ZNF541: variants seen among roughly 807,000 people sequenced by gnomAD.
The protein encoded by ZNF541 is zinc finger protein 541.
Under a neutral mutation model 123.5 loss-of-function variants are expected in ZNF541, and 23 were observed. That is an observed-to-expected ratio of 0.19 (90% confidence interval 0.13 to 0.26). The LOEUF is 0.26. ZNF541 is among the 10% of genes least tolerant of loss of function. The pLI, the probability that ZNF541 is intolerant of heterozygous loss-of-function variation, is 1.00. For missense variants in ZNF541, 1,612 were observed against 1,789.9 expected, an observed-to-expected ratio of 0.90 and a Z score of 1.79; for synonymous variants, 751 against 754.5, an observed-to-expected ratio of 1.00 and a Z score of 0.08.
At chr19:47,544,073 T>C (rs938406883) in intron 5 of ZNF541, 53 bp downstream of exon 5, 1 of 1,468,230 alleles carries the variant, frequency 6.8e-7, no homozygotes, top group Non-Finnish European at 9.0e-7. Flanking sequence ...AACTAACAAA[T>C]GCAAAGGAAA....
chr19:47,547,944 G>T (rs1263927104), intron 4 of ZNF541, among the ~76,000 whole-genome samples: 1 of 151,008 alleles, frequency 6.6e-6, no homozygotes, highest in Non-Finnish European at 1.5e-5. Context: ...AGATGAGGAG[G>T]CAGGAAAATC....
intron 3 of ZNF541, among the ~76,000 whole-genome samples, chr19:47,553,102 C>T (rs1003062415): frequency 1.3e-4 from 19 of 151,368 alleles, no homozygotes; most frequent in Admixed American, 2.0e-4. Flanking sequence ...AGAAAGACTC[C>T]GTCTCAAAAA....
intron 4 of ZNF541, among the ~76,000 whole-genome samples, chr19:47,548,166 C>A (rs1408242645): frequency 2.7e-5 from 4 of 150,402 alleles, no homozygotes; most frequent in African/African-American, 9.8e-5. Flanking sequence ...AAGCTGGGGC[C>A]GGGTGCGGTG....
At chr19:47,541,018 G>C in intron 5 of ZNF541, 67 bp from the exon 6 acceptor site, 1 of 1,445,266 alleles carries the variant, frequency 6.9e-7, no homozygotes, top group Non-Finnish European at 9.4e-7. Context: ...TCAAATTACA[G>C]ACTTTTAGAA....
At position 47,544,330 on chromosome 19, in the gene ZNF541, C is replaced by G. The variant is rs538877900; in HGVS notation, c.2199G>C (p.Lys733Asn). Residue 733 changes from lysine to asparagine, a missense_variant, in exon 5 of 17, where the codon AAG (lysine) becomes AAC (asparagine). Physicochemically the swap from Lys to Asn is moderately conservative, Grantham distance 94. Coordinates refer to ENST00000391901, the MANE Select transcript of ZNF541 (RefSeq NM_001277075.3). ...CTCCACCCCGGGAGCAGGCTGGGCC[C>G]TTTTCACCTTTTGTGATCCTTGAAG... ...GAASRITKGEKGPACSRGGGY... is the reference protein window; with the variant it reads ...GAASRITKGENGPACSRGGGY... 487 of 1,551,640 alleles carry G rather than the reference C, an allele frequency of 3.1e-4. 2 individuals are homozygous for G. In the South Asian group the frequency reaches 5.5e-3, roughly 17 times the overall value.
chr19:47,544,787 G>A lies in ZNF541; in HGVS notation c.1742C>T (p.Pro581Leu). Residue 581 changes from proline (P) to leucine (L), a missense_variant, in exon 5 of 17, where the codon CCT (proline) becomes CTT (leucine). Around this residue, in one of 5 missense-constraint regions of ZNF541, gnomAD observed 1,080 missense variants for 1,013.8 expected, o/e 1.07. Coordinates refer to ENST00000391901, the MANE Select transcript of ZNF541 (RefSeq NM_001277075.3). Reference protein sequence around the residue: ...AQVAAVSSQLPAPEGKPAALR... With the variant: ...AQVAAVSSQLLAPEGKPAALR... ...GGCGGCTGGTTTGCCCTCGGGCGCA[G>A]GGAGCTGGGAGGAGACTGCTGCCAC... is the stretch of plus-strand genomic sequence containing the variant. 6.6e-7 allele frequency: 1 copy of A among 1,519,708 alleles called. No homozygotes were observed. The highest frequency in any genetic ancestry group is 8.8e-7 in the Non-Finnish European group (1 of 1,136,978). 94.1% of individuals were successfully genotyped at this position (1,519,708 alleles called of 1,614,324 possible).
intron 10 of ZNF541, among the ~76,000 whole-genome samples, chr19:47,532,608 T>C (rs1237891851): frequency 6.6e-6 from 1 of 152,132 alleles, no homozygotes; most frequent in East Asian, 1.9e-4. Flanking sequence ...TGAGTCCCAC[T>C]CTGTGCCATC....
chr19:47,542,775 G>T (rs541012445), intron 5 of ZNF541, among the ~76,000 whole-genome samples: 1 of 152,024 alleles, frequency 6.6e-6, no homozygotes, highest in African/African-American at 2.4e-5. Flanking sequence ...GTGAAACCTC[G>T]TCTCTACTAA....
chr19:47,570,317 C>A (rs1269444270), intron 2 of ZNF541, among the ~76,000 whole-genome samples: 1 of 147,850 alleles, frequency 6.8e-6, no homozygotes, highest in Non-Finnish European at 1.5e-5. Context: ...GTGGTTCATG[C>A]CTGTAATCCC....
In ZNF541 at chr19:47,532,919, T is replaced by A. The variant is rs1969641502; in HGVS notation, c.3148A>T (p.Ser1050Cys). 6.4e-7 allele frequency: 1 copy of A among 1,550,448 alleles called. No individual in the cohort carries two copies. The highest frequency in any genetic ancestry group is 1.4e-5 in the African/African-American group (1 of 72,938). The change falls in exon 10 of 17, where the codon AGC (serine) becomes TGC (cysteine). Residue 1050 changes from serine (S) to cysteine (C), a missense_variant. Ser to Cys is a moderately radical substitution (Grantham distance 112). Around this residue, in one of 5 missense-constraint regions of ZNF541, gnomAD observed 285 missense variants for 407.3 expected, o/e 0.70. Transcript: ENST00000391901. ...AAGGACCCAACTTACGGCTCAATGC[T>A]GATTTTGGTGTCATCCTTCACCACA... is the stretch of plus-strand genomic sequence containing the variant. ...ICVVKDDTKI[S>C]IEPHINIGSR...
intron 2 of ZNF541, among the ~76,000 whole-genome samples, chr19:47,569,456 G>A (rs1284654527): frequency 2.0e-5 from 3 of 152,050 alleles, no homozygotes; most frequent in African/African-American, 7.2e-5. Flanking sequence ...TCAACCCTGG[G>A]TAGTCTAATT....
intron 12 of ZNF541, among the ~76,000 whole-genome samples, chr19:47,530,065 T>C (rs1193704116): frequency 6.6e-6 from 1 of 152,194 alleles, no homozygotes; most frequent in Non-Finnish European, 1.5e-5. Context: ...TCTCACTATG[T>C]TGTCCAGGCT....
chr19:47,535,395 A>G (rs1969769997), intron 9 of ZNF541, among the ~76,000 whole-genome samples: 1 of 152,238 alleles, frequency 6.6e-6, no homozygotes, highest in South Asian at 2.1e-4. Context: ...TTGTCCTGCA[A>G]AAGGACCACT....
intron 3 of ZNF541, among the ~76,000 whole-genome samples, chr19:47,552,459 A>G (rs1327389112): frequency 1.3e-5 from 2 of 152,102 alleles, no homozygotes; most frequent in Non-Finnish European, 2.9e-5. Context: ...TAACTCCAAC[A>G]GTTTCAACAA....
In ZNF541 at chr19:47,521,672, G is replaced by A. The variant is rs375497953; in HGVS notation, c.3712-18C>T. 3.9e-4 allele frequency: 610 copies of A among 1,550,998 alleles called. No individual in the cohort carries two copies. Among genetic ancestry groups the A allele is most frequent in the African/African-American group, 2.6e-3 (187 of 73,134 alleles). Reference sequence around the variant, plus strand: ...CATGGGACCTGCAGAGGGAGCAAAAGTGACATAAGGGTGCTGACCTGTCCT... The same window carrying A: ...CATGGGACCTGCAGAGGGAGCAAAAATGACATAAGGGTGCTGACCTGTCCT... On this transcript the variant is annotated intron_variant, in intron 15 of 16. Coordinates refer to ENST00000391901, the MANE Select transcript of ZNF541 (RefSeq NM_001277075.3). This position sits in a 1 kb window ranked among gnomAD's most constrained non-coding sequence, Gnocchi z 4.2.
chr19:47,548,567 C>G (rs188663779), intron 4 of ZNF541, among the ~76,000 whole-genome samples: 254 of 152,224 alleles, frequency 1.7e-3, no homozygotes, highest in African/African-American at 5.9e-3. Context: ...AACACAGATC[C>G]GTTTTCCTCA....
At chr19:47,572,173 T>A in intron 1 of ZNF541, among the ~76,000 whole-genome samples, 131 bp from the exon 2 acceptor site, 1 of 152,174 alleles carries the variant, frequency 6.6e-6, no homozygotes, top group East Asian at 1.9e-4. Context: ...CAGCGGAGAT[T>A]TGAGTGAGGA....
chr19:47,572,402 A>T (rs1856509923), intron 1 of ZNF541, among the ~76,000 whole-genome samples: 1 of 152,142 alleles, frequency 6.6e-6, no homozygotes, highest in Admixed American at 6.6e-5. Context: ...GTTTGTTCTA[A>T]GCGAAGATAT....
rs1018911752 is a variant in ZNF541, at chr19:47,521,821, G to C, written c.3711+33C>G. 1 of 1,546,116 alleles carries C rather than the reference G, an allele frequency of 6.5e-7. No individual in the cohort carries two copies. The highest frequency in any genetic ancestry group is 2.5e-5 in the East Asian group (1 of 40,812). On this transcript the variant is annotated intron_variant, in intron 15 of 16. Transcript: ENST00000391901. This position sits in a 1 kb window ranked among gnomAD's most constrained non-coding sequence, Gnocchi z 4.2. ...ACGGGTAGCAGGCACTGGGAGGAGA[G>C]AAGAGCTCCCGACACAGCCCTGGTT...
Sources: allele counts gnomAD v4.1 joint callset (sites outside exome capture counted in the v4.1 genomes callset), GRCh38; gene constraint gnomAD v4.1.1; regional missense constraint gnomAD v4.1.1; non-coding constraint Gnocchi (gnomAD v3.1); transcripts MANE v1.5; gene names NCBI Gene and HGNC (gene_info 2026-07-23, HGNC 2026-07-21).